The following LRP1B variants were observed in gnomAD, a reference collection of about 807,000 sequenced individuals.
LRP1B encodes the protein LDL receptor related protein 1B.
In LRP1B, 217 loss-of-function variants were observed where a neutral mutation model predicts 556.6. The observed-to-expected ratio is 0.39, with a 90% CI of 0.35 to 0.44. LRP1B has a LOEUF of 0.44. LRP1B is among the 20% of genes least tolerant of loss of function. The pLI, the probability that LRP1B is intolerant of heterozygous loss-of-function variation, is 1.00. For missense variants in LRP1B, 5,053 were observed against 5,620.8 expected, an observed-to-expected ratio of 0.90 and a Z score of 3.23; for synonymous variants, 2,047 against 1,865.8, an observed-to-expected ratio of 1.10 and a Z score of -2.50.
intron 2 of LRP1B, among the ~76,000 whole-genome samples, chr2:141,644,379 G>T (rs1397590026): frequency 2.6e-5 from 4 of 151,954 alleles, no homozygotes; most frequent in African/African-American, 9.7e-5. Context: ...TGTAAGAAGT[G>T]CCTTTTGCCT....
chr2:141,267,813 T>TTG (rs2105363213), intron 3 of LRP1B, among the ~76,000 whole-genome samples: 1 of 152,318 alleles, frequency 6.6e-6, no homozygotes, highest in Admixed American at 6.5e-5. Context: ...ATAACTTCTA[T>TTG]GTTACCTAGC....
rs77480246 is a variant in LRP1B at position 140,767,780 on chromosome 2, C to T, written c.5758+1433G>A. Among the ~76,000 whole-genome samples, 1,244 of 151,850 alleles carry T rather than the reference C, an allele frequency of 8.2e-3. 18 individuals carry two copies. Among genetic ancestry groups the T allele is most frequent in the African/African-American group, 0.029 (1,204 of 41,454 alleles). ...AAATTTATCAAATATTTTCAAAAAT[C>T]ATTATGGAGTCTTCAAAATAATTGA... On this transcript the variant is annotated intron_variant, in intron 35 of 90. Transcript: ENST00000389484.
rs1687524432 is a variant in LRP1B at position 141,328,754 on chromosome 2, G to C, written c.344-74113C>G. Among the ~76,000 whole-genome samples the C allele has an allele frequency of 2.0e-5, 3 of 152,154 alleles. No homozygotes were observed. In the South Asian group the frequency reaches 6.2e-4, roughly 31 times the overall value. On this transcript the variant is annotated intron_variant, in intron 3 of 90. Transcript: ENST00000389484. ...AGATGTTGCCAGTCATTTGTCAGTG[G>C]CCATTACTACATCATGAATGCTGGG...
intron 3 of LRP1B, among the ~76,000 whole-genome samples, chr2:141,330,141 A>G (rs1391302756): frequency 2.6e-5 from 4 of 152,218 alleles, no homozygotes; most frequent in African/African-American, 9.6e-5. Flanking sequence ...AGATTAAACA[A>G]TGTTTGTTCC....
chr2:141,172,245 A>G (rs1164066107), intron 7 of LRP1B, among the ~76,000 whole-genome samples: 2 of 152,052 alleles, frequency 1.3e-5, no homozygotes, highest in Admixed American at 6.6e-5. Context: ...GCAGGCCAGG[A>G]TGCTCCATGT....
chr2:141,632,367 T>C (rs910290008), intron 2 of LRP1B, among the ~76,000 whole-genome samples: 2 of 152,202 alleles, frequency 1.3e-5, no homozygotes, highest in Non-Finnish European at 2.9e-5. Context: ...TTTCTTTAGT[T>C]CTTAATGAAA....
At chr2:140,983,177 C>T (rs929081645) in intron 17 of LRP1B, among the ~76,000 whole-genome samples, 7 of 151,994 alleles carry the variant, frequency 4.6e-5, no homozygotes, top group Non-Finnish European at 1.0e-4. Context: ...ATTTTCATTT[C>T]TTTTTTTCTT....
rs374369026 is a variant in LRP1B, at chr2:141,822,130, C to CACACACAGAG, written c.83-11730_83-11729insCTCTGTGTGT. Among the ~76,000 whole-genome samples, 16 of 95,888 alleles carry CACACACAGAG rather than the reference C, an allele frequency of 1.7e-4. No homozygotes were observed. In the East Asian group the frequency reaches 2.4e-3, roughly 14 times the overall value. The allele number at this position is 95,888 out of a possible 152,430, so 62.9% of individuals were successfully genotyped here. On this transcript the variant is annotated intron_variant, in intron 1 of 90. Transcript: ENST00000389484. ...ACACACACACACACACACACACACA[C>CACACACAGAG]AGAGAGAGAGAGAGAGAGAGAGAGA...
intron 1 of LRP1B, among the ~76,000 whole-genome samples, chr2:141,830,084 A>G (rs1697063575): frequency 6.6e-6 from 1 of 151,954 alleles, no homozygotes; most frequent in South Asian, 2.1e-4. Context: ...AGTTTTAAAT[A>G]AAATCTATTT....
intron 7 of LRP1B, among the ~76,000 whole-genome samples, chr2:141,119,564 A>G (rs187510793): frequency 1.3e-5 from 2 of 152,022 alleles, no homozygotes; most frequent in African/African-American, 4.8e-5. Flanking sequence ...GTACTCTATC[A>G]TGGTCTCAAG....
At chr2:141,999,575 T>C (rs1273437837) in intron 1 of LRP1B, among the ~76,000 whole-genome samples, 1 of 152,114 alleles carries the variant, frequency 6.6e-6, no homozygotes, top group Non-Finnish European at 1.5e-5. Context: ...TAAAGCCACA[T>C]ACAATTAAAA....
At chr2:141,892,421 T>C (rs1040323591) in intron 1 of LRP1B, among the ~76,000 whole-genome samples, 1 of 152,026 alleles carries the variant, frequency 6.6e-6, no homozygotes, top group African/African-American at 2.4e-5. Context: ...CATGGAACTC[T>C]AGCATTAAGA....
At chr2:141,617,050 G>A (rs1355171804) in intron 2 of LRP1B, among the ~76,000 whole-genome samples, 1 of 152,122 alleles carries the variant, frequency 6.6e-6, no homozygotes, top group Non-Finnish European at 1.5e-5. Context: ...CCTGAAGTTA[G>A]TATTATTCAG....
chr2:140,303,782 A>G (rs974467843), intron 83 of LRP1B, among the ~76,000 whole-genome samples: 2 of 149,584 alleles, frequency 1.3e-5, no homozygotes, highest in African/African-American at 4.9e-5. Flanking sequence ...TACATTAGGT[A>G]TATCTCCTAA....
chr2:140,534,145 T>C lies in LRP1B; in HGVS notation c.7643-5A>G. On this transcript the variant is annotated splice_polypyrimidine_tract_variant and splice_region_variant and intron_variant, in intron 46 of 90. Transcript: ENST00000389484. ...CTCTTCGACAGCTTCTGTTTTCTTA[T>C]AAATAAAAGTAGAAACACACAACCA... is the stretch of plus-strand genomic sequence containing the variant. The C allele has an allele frequency of 3.7e-6, 6 of 1,608,076 alleles. No homozygotes were observed. Among genetic ancestry groups the C allele is most frequent in the Middle Eastern group, 1.7e-4 (1 of 6,024 alleles).
intron 3 of LRP1B, among the ~76,000 whole-genome samples, chr2:141,371,780 GT>G: frequency 6.6e-6 from 1 of 151,822 alleles, no homozygotes; most frequent in East Asian, 1.9e-4. Flanking sequence ...GAGTCTTTAG[GT>G]TTTTCTAGAT....
At chr2:140,778,843 A>G (rs1453455134) in intron 32 of LRP1B, among the ~76,000 whole-genome samples, 1 of 152,124 alleles carries the variant, frequency 6.6e-6, no homozygotes, top group Non-Finnish European at 1.5e-5. Flanking sequence ...AAATTCAGCT[A>G]TATTATATTA....
intron 73 of LRP1B, 36 bp downstream of exon 73, chr2:140,358,785 G>A (rs1180172360): frequency 1.3e-6 from 2 of 1,598,610 alleles, no homozygotes; most frequent in African/African-American, 2.7e-5. Context: ...GAACCTCATA[G>A]CCATCACTGA....
intron 1 of LRP1B, among the ~76,000 whole-genome samples, chr2:141,865,380 C>T (rs918987357): frequency 2.0e-5 from 3 of 151,706 alleles, no homozygotes. Context: ...ATCACGAGGT[C>T]AGGAGATCGA....
Sources: allele counts gnomAD v4.1 joint callset (sites outside exome capture counted in the v4.1 genomes callset), GRCh38; gene constraint gnomAD v4.1.1; transcripts MANE v1.5; gene names NCBI Gene and HGNC (gene_info 2026-07-23, HGNC 2026-07-21).